Variants in PCDHGA1 observed in about 807,000 individuals in gnomAD.
PCDHGA1 encodes protocadherin gamma subfamily A, 1, also known as protocadherin gamma-A1.
A neutral mutation model predicts 58.0 loss-of-function variants in PCDHGA1; 32 were observed. The observed-to-expected ratio is 0.55, with a 90% confidence interval of 0.42 to 0.74. PCDHGA1 has a LOEUF of 0.74. Among genes scored for constraint, PCDHGA1 ranks in the 30% least tolerant of loss-of-function variants. PCDHGA1 has a pLI of 0.00. For synonymous variants in PCDHGA1, 498 were observed against 501.1 expected, an observed-to-expected ratio of 0.99 and a Z score of 0.08; for missense variants, 1,205 against 1,182.3, an observed-to-expected ratio of 1.02 and a Z score of -0.28.
intron 1 of PCDHGA1, chr5:141,415,704 T>G: frequency 7.4e-7 from 1 of 1,344,464 alleles, no homozygotes; most frequent in Non-Finnish European, 1.0e-6. Flanking sequence ...GTGTAAATGC[T>G]AAAACACTGA....
At chr5:141,472,980 C>CAAAAAAAAAAAAAAAAAAAAAAAA (rs60579131) in intron 1 of PCDHGA1, among the ~76,000 whole-genome samples, 7 of 86,078 alleles carry the variant, frequency 8.1e-5, no homozygotes, top group African/African-American at 1.9e-4. Context: ...GAGTGAAACT[C>CAAAAAAAAAAAAAAAAAAAAAAAA]AAAAAAAAAA....
At position 141,343,991 on chromosome 5, in the gene PCDHGA1, A is replaced by T. The variant is rs958228481; in HGVS notation, c.2421+10886A>T. On this transcript the variant is annotated intron_variant, in intron 1 of 3. Coordinates refer to ENST00000517417, the MANE Select transcript of PCDHGA1 (RefSeq NM_018912.3). ...AAATAAGATTGGAGTCCGTCGTAGG[A>T]AACTGGAACCGAATTCAGAGAAAGC... is the stretch of plus-strand genomic sequence containing the variant. 2.7e-6 allele frequency: 4 copies of T among 1,477,866 alleles called. No individual in the cohort carries two copies. The East Asian group carries it at 9.4e-5, about 35-fold the overall frequency. 91.5% of individuals were successfully genotyped at this position (1,477,866 alleles called of 1,614,324 possible). A position where few individuals can be genotyped will look rare whatever the true frequency, so the allele number is the denominator to read the frequency against.
rs1367655211 is a variant in PCDHGA1, at chr5:141,331,434, T to C, written c.750T>C (p.Asn250=). Residue 250 remains asparagine, a synonymous_variant, in exon 1 of 4, where the codon AAT becomes AAC. Transcript: ENST00000517417. ...TTACTCAGGCACAATACCATATAAA[T>C]GTCCCCGAAAACGTGCCGCTGGGTA... The part of the protein sequence containing the change: ...PAFTQAQYHI[N]VPENVPLGTQ... 6.2e-7 allele frequency: 1 copy of C among 1,614,178 alleles called. No homozygotes were observed. Among genetic ancestry groups the C allele is most frequent in the South Asian group, 1.1e-5 (1 of 91,078 alleles).
chr5:141,393,981 T>G, intron 1 of PCDHGA1: 3 of 1,613,792 alleles, frequency 1.9e-6, no homozygotes, highest in Non-Finnish European at 2.5e-6. Flanking sequence ...ACGTGATAAT[T>G]TACCTTTTAA....
chr5:141,478,744 T>C, intron 1 of PCDHGA1: 1 of 1,528,172 alleles, frequency 6.5e-7, no homozygotes, highest in Non-Finnish European at 8.8e-7. Flanking sequence ...TGTGGTCCCA[T>C]TTCAGGGGGA....
chr5:141,340,705 G>A (rs144207825), intron 1 of PCDHGA1: 5 of 1,614,098 alleles, frequency 3.1e-6, no homozygotes, highest in East Asian at 2.2e-5. Context: ...TGGAGCTGGC[G>A]CCCCGCTCCG....
chr5:141,398,782 C>T (rs763578317), intron 1 of PCDHGA1: 1 of 1,613,908 alleles, frequency 6.2e-7, no homozygotes, highest in Non-Finnish European at 8.5e-7. Context: ...GGACGGTGGA[C>T]ATCCACCCCT....
rs761492460 is a variant in PCDHGA1, at chr5:141,389,630, T to C, written c.2421+56525T>C. The C allele has an allele frequency of 9.9e-6, 16 of 1,612,872 alleles. No homozygotes were observed. The Admixed American group carries it at 1.8e-4, about 18-fold the overall frequency. ...ATATGGTGCCGCACGCTGCAGAGCC[T>C]GGCTACTTGGTGACCAAGGTAGTGG... On this transcript the variant is annotated intron_variant, in intron 1 of 3. Coordinates refer to ENST00000517417, the MANE Select transcript of PCDHGA1 (RefSeq NM_018912.3).
In PCDHGA1 at chr5:141,422,632, G is replaced by T. The variant is rs199543811; in HGVS notation, c.2422-72175G>T. ...CTACATTCCCGAAAACAACCCCAGGGGTGCCTCCATCTTCTCAGTGACCGC... is the reference window on the plus strand; with the variant it reads ...CTACATTCCCGAAAACAACCCCAGGTGTGCCTCCATCTTCTCAGTGACCGC... On this transcript the variant is annotated intron_variant, in intron 1 of 3. Coordinates refer to ENST00000517417, the MANE Select transcript of PCDHGA1 (RefSeq NM_018912.3). 4,245 of 1,613,132 alleles carry T rather than the reference G, an allele frequency of 2.6e-3. 5 individuals carry two copies. The highest frequency in any genetic ancestry group is 3.2e-3 in the Admixed American group (193 of 59,948).
rs567063669 is a variant in PCDHGA1 at position 141,332,275 on chromosome 5, A to G, written c.1591A>G (p.Lys531Glu). ...TGAGCAGTTCCGGGACATGCAACTG[A>G]AAGTGATGGCGCGGGACAGTGGGGA... is the stretch of plus-strand genomic sequence containing the variant. ...DYEQFRDMQL[K>E]VMARDSGDPP... Residue 531 changes from lysine (K) to glutamate (E), a missense_variant, in exon 1 of 4, where the codon AAA becomes GAA. Lys to Glu is a moderately conservative substitution (Grantham distance 56). Transcript: ENST00000517417. The surrounding 1 kb of genome is among the most constrained non-coding windows in gnomAD (Gnocchi z 4.6). The G allele has an allele frequency of 6.2e-7, 1 of 1,614,196 alleles. No individual in the cohort carries two copies. Among genetic ancestry groups the G allele is most frequent in the South Asian group, 1.1e-5 (1 of 91,080 alleles).
At chr5:141,433,020 C>G (rs761127608) in intron 1 of PCDHGA1, 5 of 1,614,152 alleles carry the variant, frequency 3.1e-6, no homozygotes, top group East Asian at 2.2e-5. Flanking sequence ...CAGACCTATT[C>G]CCACGAGGTT....
intron 1 of PCDHGA1, chr5:141,366,246 A>G: frequency 6.2e-7 from 1 of 1,613,762 alleles, no homozygotes; most frequent in Non-Finnish European, 8.5e-7. Context: ...GACGCGCTCA[A>G]GCAGAGCCTC....
chr5:141,357,773 T>A (rs1338680393), intron 1 of PCDHGA1: 18 of 917,442 alleles, frequency 2.0e-5, no homozygotes, highest in Admixed American at 2.9e-5. Flanking sequence ...CTTCCAATAA[T>A]GATCAACAGT....
rs1762616469 is a variant in PCDHGA1 at position 141,362,659 on chromosome 5, C to T, written c.2421+29554C>T. ...TCTTTGTCTGTGAGTTAGATTTGGC[C>T]AATGTTGTGCCTTAATTGTCTTAAT... On this transcript the variant is annotated intron_variant, in intron 1 of 3. Transcript: ENST00000517417. 3.0e-6 allele frequency: 4 copies of T among 1,352,230 alleles called. No individual in the cohort carries two copies. In the African/African-American group the frequency reaches 4.4e-5, roughly 15 times the overall value. The allele number at this position is 1,352,230 out of a possible 1,614,324, so 83.8% of individuals were successfully genotyped here. A position where few individuals can be genotyped will look rare whatever the true frequency, so the allele number is the denominator to read the frequency against.
In PCDHGA1 at chr5:141,375,324, A is replaced by C. The variant is rs751354618; in HGVS notation, c.2421+42219A>C. On this transcript the variant is annotated intron_variant, in intron 1 of 3. Coordinates refer to ENST00000517417, the MANE Select transcript of PCDHGA1 (RefSeq NM_018912.3). ...ACAAATGCAGCTCTAGACCGGGAAGAGGTATTCTTGTACAACATCACTGTG... is the reference window on the plus strand; with the variant it reads ...ACAAATGCAGCTCTAGACCGGGAAGCGGTATTCTTGTACAACATCACTGTG... 1.9e-6 allele frequency: 3 copies of C among 1,613,688 alleles called. No homozygotes were observed. In the African/African-American group the frequency reaches 4.0e-5, roughly 22 times the overall value.
At chr5:141,418,665 A>T in intron 1 of PCDHGA1, 1 of 1,614,070 alleles carries the variant, frequency 6.2e-7, no homozygotes, top group Non-Finnish European at 8.5e-7. Context: ...GCCACTGACC[A>T]GGACGAGGGC....
At chr5:141,433,129 C>T in intron 1 of PCDHGA1, 1 of 1,614,130 alleles carries the variant, frequency 6.2e-7, no homozygotes, top group Non-Finnish European at 8.5e-7. Context: ...AAAGCGAGCC[C>T]CTTTTGCTGT....
chr5:141,340,032 G>C (rs189012614), intron 1 of PCDHGA1: 33 of 1,614,152 alleles, frequency 2.0e-5, no homozygotes, highest in Non-Finnish European at 2.7e-5. Flanking sequence ...TCTGCTACTA[G>C]CTCAGTTTCT....
intron 1 of PCDHGA1, chr5:141,341,408 T>C (rs764232497): frequency 1.2e-6 from 2 of 1,614,172 alleles, no homozygotes; most frequent in South Asian, 2.2e-5. Context: ...AATCTATCTT[T>C]TCACAACATA....
Sources: allele counts gnomAD v4.1 joint callset (sites outside exome capture counted in the v4.1 genomes callset), GRCh38; gene constraint gnomAD v4.1.1; non-coding constraint Gnocchi (gnomAD v3.1); transcripts MANE v1.5; gene names NCBI Gene and HGNC (gene_info 2026-07-23, HGNC 2026-07-21).